GABPB1: variants seen among roughly 807,000 people sequenced by gnomAD.
GABPB1 encodes the protein GA binding protein transcription factor subunit beta 1.
In GABPB1, 15 loss-of-function variants were observed where a neutral mutation model predicts 45.9. The observed-to-expected ratio is 0.33, with a 90% CI of 0.22 to 0.50. The LOEUF (loss-of-function observed/expected upper bound fraction) is 0.50, where lower values mean the gene tolerates loss of function less well. Ranked by LOEUF, GABPB1 falls within the 20% of genes least tolerant of loss-of-function variation. The pLI, the probability that GABPB1 is intolerant of heterozygous loss-of-function variation, is 0.98. For synonymous variants in GABPB1, 143 were observed against 154.4 expected, an observed-to-expected ratio of 0.93 and a Z score of 0.55; for missense variants, 252 against 457.5, an observed-to-expected ratio of 0.55 and a Z score of 4.10.
chr15:50,301,899 A>G (rs532537295), intron 4 of GABPB1, among the ~76,000 whole-genome samples: 5 of 152,340 alleles, frequency 3.3e-5, no homozygotes, highest in African/African-American at 1.2e-4. Context: ...ATTGTTCCCC[A>G]TCTTCAACTC....
At chr15:50,302,879 T>A (rs1567500516) in intron 4 of GABPB1, 50 bp downstream of exon 4, 3 of 1,248,154 alleles carry the variant, frequency 2.4e-6, no homozygotes, top group Non-Finnish European at 3.4e-6. Context: ...ATCCCTCTAC[T>A]GATAAGGCTT....
At chr15:50,316,698 T>C (rs1234814676) in intron 1 of GABPB1, among the ~76,000 whole-genome samples, 2 of 152,038 alleles carry the variant, frequency 1.3e-5, no homozygotes, top group Non-Finnish European at 2.9e-5. Flanking sequence ...AAAATCTAAA[T>C]ATATCAATAC....
At chr15:50,335,920 A>C (rs1384378400) in intron 1 of GABPB1, among the ~76,000 whole-genome samples, 4 of 149,020 alleles carry the variant, frequency 2.7e-5, no homozygotes, top group Admixed American at 6.7e-5. Flanking sequence ...AAAAAAAAGA[A>C]GACTGGTCTA....
At chr15:50,331,124 T>C (rs140840011) in intron 1 of GABPB1, among the ~76,000 whole-genome samples, 1 of 152,296 alleles carries the variant, frequency 6.6e-6, no homozygotes, top group African/African-American at 2.4e-5. Context: ...TTCTTGTCCT[T>C]GGGGAATTCC....
At chr15:50,284,358 G>T (rs2046088709) in intron 8 of GABPB1, among the ~76,000 whole-genome samples, 1 of 152,080 alleles carries the variant, frequency 6.6e-6, no homozygotes, top group South Asian at 2.1e-4. Context: ...TTCTAGTGAT[G>T]GAGAATAAGA....
At chr15:50,295,126 C>T (rs2046468971) in intron 6 of GABPB1, among the ~76,000 whole-genome samples, 1 of 152,166 alleles carries the variant, frequency 6.6e-6, no homozygotes, top group Admixed American at 6.5e-5. Flanking sequence ...ATTCTATATC[C>T]CAAATAACCC....
intron 6 of GABPB1, among the ~76,000 whole-genome samples, chr15:50,299,498 C>G (rs966441536): frequency 2.0e-5 from 3 of 152,224 alleles, no homozygotes; most frequent in Admixed American, 6.5e-5. Context: ...CTCCCGGGTT[C>G]AAGCCATTCT....
At chr15:50,310,193 T>C (rs1359236328) in intron 1 of GABPB1, among the ~76,000 whole-genome samples, 1 of 152,166 alleles carries the variant, frequency 6.6e-6, no homozygotes, top group Non-Finnish European at 1.5e-5. Context: ...CCTGGGTTCA[T>C]GTGATTCTCC....
intron 1 of GABPB1, among the ~76,000 whole-genome samples, chr15:50,345,601 T>G (rs868341229): frequency 2.6e-5 from 4 of 152,326 alleles, no homozygotes; most frequent in South Asian, 2.1e-4. Flanking sequence ...TGTAATTCAA[T>G]TCTTAAAATT....
At chr15:50,292,176 C>T (rs1467496451) in intron 6 of GABPB1, among the ~76,000 whole-genome samples, 3 of 150,774 alleles carry the variant, frequency 2.0e-5, no homozygotes, top group African/African-American at 7.3e-5. Context: ...TAGCCGGGCG[C>T]GGTGGTGGGC....
chr15:50,346,099 C>A (rs1400537293), intron 1 of GABPB1, among the ~76,000 whole-genome samples: 1 of 151,984 alleles, frequency 6.6e-6, no homozygotes, highest in Non-Finnish European at 1.5e-5. Flanking sequence ...ACTGTGGCAG[C>A]AGGATTCTTC....
chr15:50,292,791 TATC>T (rs2140996491), intron 6 of GABPB1, among the ~76,000 whole-genome samples: 1 of 152,192 alleles, frequency 6.6e-6, no homozygotes, highest in South Asian at 2.1e-4. Flanking sequence ...AAAGGTGAAG[TATC>T]ATGATGTCTC....
intron 1 of GABPB1, chr15:50,354,346 G>T (rs1381934739): frequency 6.7e-6 from 3 of 447,292 alleles, no homozygotes; most frequent in Non-Finnish European, 1.3e-5. Context: ...CTGTCGCTGC[G>T]GGGGCCCCGC....
At chr15:50,282,264 GA>G (rs1235018551) in intron 8 of GABPB1, 1 of 453,830 alleles carries the variant, frequency 2.2e-6, no homozygotes, top group Admixed American at 2.4e-5. Context: ...AAAAAAGAGA[GA>G]GAAGAGATAT....
chr15:50,295,494 T>G (rs1226205870), intron 6 of GABPB1, among the ~76,000 whole-genome samples: 2 of 152,154 alleles, frequency 1.3e-5, no homozygotes, highest in Non-Finnish European at 2.9e-5. Flanking sequence ...GAAGATTCCA[T>G]GACACTAGAG....
At chr15:50,294,571 CT>C (rs2046450586) in intron 6 of GABPB1, among the ~76,000 whole-genome samples, 1 of 151,956 alleles carries the variant, frequency 6.6e-6, no homozygotes, top group Non-Finnish European at 1.5e-5. Flanking sequence ...AAAAAATAAA[CT>C]TTTCGAAGGT....
chr15:50,282,560 G>GAAAAAAAGAAAAAAAAAAAAAA (rs1555506163), intron 8 of GABPB1, among the ~76,000 whole-genome samples: 1 of 88,986 alleles, frequency 1.1e-5, no homozygotes, highest in Non-Finnish European at 2.3e-5. Flanking sequence ...CCTTAAAAAA[G>GAAAAAAAGAAAAAAAAAAAAAA]AAAAAAAAAA....
Position 50,355,074 on chromosome 15 carries a change from C to G in GABPB1, c.-90G>C, listed in dbSNP as rs1311060097. ...TCGTACCCGGCCGGGCTGACGCGGC[C>G]CCGCTACACACAAAGCGCTTCAGCT... On this transcript the variant is annotated 5_prime_UTR_variant, in exon 1 of 9. Transcript: ENST00000380877. The G allele has an allele frequency of 3.2e-5, 5 of 155,742 alleles. No individual in the cohort carries two copies. In the Admixed American group the frequency reaches 3.3e-4, roughly 10 times the overall value. The allele number at this position is 155,742 out of a possible 1,614,324, so 9.6% of individuals were successfully genotyped here. A position where few individuals can be genotyped will look rare whatever the true frequency, so the allele number is the denominator to read the frequency against.
At chr15:50,322,830 C>G (rs1035897644) in intron 1 of GABPB1, among the ~76,000 whole-genome samples, 2 of 151,882 alleles carry the variant, frequency 1.3e-5, no homozygotes, top group Non-Finnish European at 1.5e-5. Flanking sequence ...AGTTCAAGAC[C>G]ACCCTGGGCA....
Sources: gnomAD v4.1 joint callset for allele counts (sites outside exome capture counted in the v4.1 genomes callset) on GRCh38, gnomAD v4.1.1 for gene constraint, MANE v1.5 for transcripts, NCBI Gene and HGNC (gene_info 2026-07-23, HGNC 2026-07-21) for gene names.